Variants in SPG11 observed in about 807,000 individuals in gnomAD.
SPG11 encodes SPG11 vesicle trafficking associated, spatacsin, also known as spatacsin.
A neutral mutation model predicts 274.0 loss-of-function variants in SPG11; 222 were observed. That is an observed-to-expected ratio of 0.81 (90% CI 0.73 to 0.91). The LOEUF (loss-of-function observed/expected upper bound fraction) is 0.91, where lower values mean the gene tolerates loss of function less well. Ranked by LOEUF, SPG11 falls within the 40% of genes least tolerant of loss-of-function variation. The probability of loss-of-function intolerance (pLI) is 0.00; values close to 1 mark genes in which losing one functional copy is unlikely to be tolerated. For missense variants in SPG11, 3,114 were observed against 2,872.7 expected, an observed-to-expected ratio of 1.08 and a Z score of -1.92; for synonymous variants, 1,144 against 1,039.7, an observed-to-expected ratio of 1.10 and a Z score of -1.93.
chr15:44,615,642 G>T, intron 15 of SPG11, 76 bp from the exon 16 acceptor site: 1 of 1,260,164 alleles, frequency 7.9e-7, no homozygotes, highest in Non-Finnish European at 1.2e-6. Context: ...CCACAGTTTA[G>T]GTCTCAATTA....
In SPG11 at chr15:44,621,927, T is replaced by C. The variant is rs781291176; in HGVS notation, c.2452A>G (p.Ile818Val). Residue 818 changes from isoleucine to valine, a missense_variant, in exon 14 of 40, where the codon ATA (isoleucine) becomes GTA (valine). Transcript: ENST00000261866. ...MQIQSFPRYW[I>V]KEQDFFKHKS... is the part of the protein sequence containing the mutation. The stretch of plus-strand genomic sequence containing the variant: ...TGCTTGAAAAAATCTTGTTCCTTTA[T>C]CCAGTACCTAAAAACAGTGATATAA... The C allele has an allele frequency of 6.2e-7, 1 of 1,611,716 alleles. No homozygotes were observed. The highest frequency in any genetic ancestry group is 1.1e-5 in the South Asian group (1 of 90,442).
At chr15:44,600,233 C>T (rs2083150712) in intron 21 of SPG11, 3 of 468,330 alleles carry the variant, frequency 6.4e-6, no homozygotes, top group Non-Finnish European at 1.2e-5. Context: ...TTTCAATGTA[C>T]ATGTAAAACA....
At chr15:44,613,281 T>G (rs896344621) in intron 17 of SPG11, 149 bp downstream of exon 17, 12 of 646,406 alleles carry the variant, frequency 1.9e-5, no homozygotes, top group Admixed American at 1.8e-4. Context: ...TTCCTTCTGC[T>G]TCTTACCTCA....
intron 27 of SPG11, among the ~76,000 whole-genome samples, chr15:44,589,942 G>C (rs1033658512): frequency 6.6e-6 from 1 of 152,176 alleles, no homozygotes; most frequent in Non-Finnish European, 1.5e-5. Context: ...GAGTAGCTGG[G>C]ATTACAGGCA....
At chr15:44,589,659 G>T (rs1317787606) in intron 27 of SPG11, among the ~76,000 whole-genome samples, 1 of 152,220 alleles carries the variant, frequency 6.6e-6, no homozygotes, top group East Asian at 1.9e-4. Flanking sequence ...GTATAGAGCT[G>T]CATGTGTGAA....
intron 16 of SPG11, among the ~76,000 whole-genome samples, 191 bp from the exon 17 acceptor site, chr15:44,613,727 T>TA (rs2083521393): frequency 6.6e-6 from 1 of 152,242 alleles, no homozygotes; most frequent in Non-Finnish European, 1.5e-5. Flanking sequence ...ATTTTAGAGA[T>TA]AGAGATTTTA....
rs912216663 is a variant in SPG11 at position 44,598,561 on chromosome 15, T to G, written c.3892+70A>C. On this transcript the variant is annotated intron_variant, in intron 22 of 39. Coordinates refer to ENST00000261866, the MANE Select transcript of SPG11 (RefSeq NM_025137.4). ...AGATAACCATTTTCTCCCCAAACAC[T>G]CACAATTCAATGCCTTAGACCTCGT... 1.6e-5 allele frequency: 24 copies of G among 1,466,416 alleles called. No individual in the cohort carries two copies. In the Admixed American group the frequency reaches 2.7e-4, roughly 16 times the overall value. 90.8% of individuals were successfully genotyped at this position (1,466,416 alleles called of 1,614,324 possible).
rs2083541156 is a variant in SPG11, at chr15:44,614,447, CTTTTGGGCTAAAGTGAT to C, written c.3038+899_3039-912del. On this transcript the variant is annotated intron_variant, in intron 16 of 39. Transcript: ENST00000261866. ...CTACATTGCCCAGGCTGATCTTGAA[CTTTTGGGCTAAAGTGAT>C]TCTCCTGCCTTGGCCTCCCAAAGTG... 2.6e-5 allele frequency among the ~76,000 whole-genome samples: 4 copies of C among 152,308 alleles called. No homozygotes were observed. In the South Asian group the frequency reaches 8.3e-4, roughly 32 times the overall value.
intron 10 of SPG11, 86 bp downstream of exon 10, chr15:44,628,583 T>G (rs2083967562): frequency 8.1e-6 from 10 of 1,238,602 alleles, no homozygotes; most frequent in Non-Finnish European, 1.1e-5. Flanking sequence ...CACAAGTATA[T>G]AGAGTCTGAA....
At chr15:44,569,845 T>C (rs1378325527) in intron 34 of SPG11, among the ~76,000 whole-genome samples, 3 of 151,928 alleles carry the variant, frequency 2.0e-5, no homozygotes, top group Non-Finnish European at 2.9e-5. Context: ...GCCTCCCAAG[T>C]AGCTGGGATT....
intron 14 of SPG11, chr15:44,621,557 T>G: frequency 1.8e-6 from 1 of 559,772 alleles, no homozygotes; most frequent in Non-Finnish European, 3.2e-6. Flanking sequence ...ACTATTTTTT[T>G]CTTTTATTAG....
At chr15:44,648,772 G>T (rs896423891) in intron 7 of SPG11, 94 bp downstream of exon 7, 7 of 1,412,272 alleles carry the variant, frequency 5.0e-6, no homozygotes, top group Non-Finnish European at 7.0e-6. Flanking sequence ...TCTTTTTGCT[G>T]CTAAATTAAA....
intron 26 of SPG11, among the ~76,000 whole-genome samples, chr15:44,593,205 A>AT (rs1217731291): frequency 7.6e-4 from 115 of 151,574 alleles, no homozygotes; most frequent in Admixed American, 3.0e-3. Flanking sequence ...ATTTTTTATT[A>AT]TTTTTTTTGA....
rs1249084366 is a variant in SPG11 at position 44,626,463 on chromosome 15, T to C, written c.2112A>G (p.Ala704=). ...SAILNNKIPE[A]QTFFRIDSHS... is the part of the protein sequence containing the mutation. ...GACTATCAATCCTGAAGAAAGTCTG[T>C]GCCTCTGGTATTTTGTTGTTTAAAA... The change falls in exon 11 of 40, where the codon GCA becomes GCG. Residue 704 remains alanine, a synonymous_variant. Coordinates refer to ENST00000261866, the MANE Select transcript of SPG11 (RefSeq NM_025137.4). 4 of 1,614,056 alleles carry C rather than the reference T, an allele frequency of 2.5e-6. No individual in the cohort carries two copies. Among genetic ancestry groups the C allele is most frequent in the Non-Finnish European group, 3.4e-6 (4 of 1,179,970 alleles).
intron 19 of SPG11, among the ~76,000 whole-genome samples, chr15:44,607,000 T>C (rs750142204): frequency 3.3e-5 from 5 of 152,216 alleles, no homozygotes; most frequent in Admixed American, 6.5e-5. Context: ...CACTTTATCA[T>C]TTATACCAGT....
rs1397957122 is a variant in SPG11 at position 44,633,343 on chromosome 15, AAAAAAAAAAAAAAAAAAAAG to A, written c.1735+142_1735+161del. ...CTGTCTCAAAAAAAAAAAAAAAAAA[AAAAAAAAAAAAAAAAAAAAG>A]AAAGTTTCCAAAAAGTACGTAAAAT... is the stretch of plus-strand genomic sequence containing the variant. On this transcript the variant is annotated intron_variant, in intron 8 of 39. Transcript: ENST00000261866. 117 of 258,814 alleles carry A rather than the reference AAAAAAAAAAAAAAAAAAAAG, an allele frequency of 4.5e-4. 1 individual carries two copies. The highest frequency in any genetic ancestry group is 3.5e-3 in the African/African-American group (110 of 31,714). The allele number at this position is 258,814 out of a possible 1,614,324, so 16.0% of individuals were successfully genotyped here.
At position 44,583,716 on chromosome 15, in the gene SPG11, C is replaced by T. The variant is rs1401275414; in HGVS notation, c.5866+98G>A. ...TGGAAAAAAGTTGTTGTCCCCTTAA[C>T]TTGGTAGAACTATTCTGCCACAAGG... On this transcript the variant is annotated intron_variant, in intron 30 of 39. Transcript: ENST00000261866. 1.9e-6 allele frequency: 3 copies of T among 1,543,434 alleles called. No individual in the cohort carries two copies. In the African/African-American group the frequency reaches 4.1e-5, roughly 21 times the overall value.
At chr15:44,629,759 G>A (rs2141046043) in intron 8 of SPG11, among the ~76,000 whole-genome samples, 1 of 152,248 alleles carries the variant, frequency 6.6e-6, no homozygotes, top group East Asian at 1.9e-4. Context: ...TAAGTAACTT[G>A]CCCGAGCTAA....
In SPG11 at chr15:44,615,093, C is replaced by T. The variant is rs74938894; in HGVS notation, c.3038+270G>A. Among the ~76,000 whole-genome samples the T allele has an allele frequency of 7.1e-3, 1,078 of 152,232 alleles. 14 individuals are homozygous for T. Among genetic ancestry groups the T allele is most frequent in the African/African-American group, 0.024 (1,001 of 41,534 alleles). ...AATCTTCCTCTCAAACCTTTTAAAG[C>T]ATTTCTTTCATTGTATTCTAAAGTC... On this transcript the variant is annotated intron_variant, in intron 16 of 39. Coordinates refer to ENST00000261866, the MANE Select transcript of SPG11 (RefSeq NM_025137.4).
Sources: gnomAD v4.1 joint callset for allele counts (sites outside exome capture counted in the v4.1 genomes callset) on GRCh38, gnomAD v4.1.1 for gene constraint, MANE v1.5 for transcripts, NCBI Gene and HGNC (gene_info 2026-07-23, HGNC 2026-07-21) for gene names.